ROBO2: variants seen among roughly 807,000 people sequenced by gnomAD.
ROBO2 encodes roundabout homolog 2.
A neutral mutation model predicts 160.8 loss-of-function variants in ROBO2; 53 were observed. The observed-to-expected ratio is 0.33, with a 90% CI of 0.26 to 0.41. The LOEUF (loss-of-function observed/expected upper bound fraction) is 0.41. ROBO2 is among the 10% of genes least tolerant of loss of function. The pLI is 1.00. For missense variants in ROBO2, 1,577 were observed against 1,722.4 expected (o/e 0.92, Z 1.49); for synonymous variants, 664 against 611.7 (o/e 1.09, Z -1.26).
In ROBO2 at chr3:76,622,217, AG is replaced by A. The variant is rs1324629582; in HGVS notation, c.110-475795del. Among the ~76,000 whole-genome samples, 101 of 45,922 alleles carry A rather than the reference AG, an allele frequency of 2.2e-3. 7 individuals carry two copies. The highest frequency in any genetic ancestry group is 9.5e-3 in the African/African-American group (96 of 10,106). The allele number at this position is 45,922 out of a possible 152,430, so 30.1% of individuals were successfully genotyped here. The stretch of plus-strand genomic sequence containing the variant: ...AAGGAAGGAAGGAAGGAAGGAAGGA[AG>A]GAAGGAAGGAAGGAAGGAAGAAAGA... On this transcript the variant is annotated intron_variant, in intron 2 of 26. Transcript: ENST00000487694.
intron 2 of ROBO2, among the ~76,000 whole-genome samples, chr3:76,425,909 A>G (rs975129759): frequency 4.6e-5 from 7 of 152,212 alleles, no homozygotes; most frequent in African/African-American, 1.7e-4. Flanking sequence ...TTAGGCATGT[A>G]TGAGTTTTTA....
chr3:76,030,015 T>C lies in ROBO2; in HGVS notation c.109+92413T>C, dbSNP rs539316284. On this transcript the variant is annotated intron_variant, in intron 2 of 26. Transcript: ENST00000487694. ...AAAGTGTTCCTATTTCTCCACATCC[T>C]CTCCAGCACCTGTTGTTTCCTGACT... Among the ~76,000 whole-genome samples, 3 of 152,296 alleles carry C rather than the reference T, an allele frequency of 2.0e-5. No individual in the cohort carries two copies. In the East Asian group the frequency reaches 5.8e-4, roughly 29 times the overall value.
At chr3:77,438,050 TATA>T (rs1560831853) in intron 2 of ROBO2, among the ~76,000 whole-genome samples, 1 of 152,040 alleles carries the variant, frequency 6.6e-6, no homozygotes, top group Non-Finnish European at 1.5e-5. Flanking sequence ...TTTACTGTCT[TATA>T]ATAATACTTT....
intron 2 of ROBO2, among the ~76,000 whole-genome samples, chr3:76,881,127 A>T (rs2073299493): frequency 6.6e-6 from 1 of 152,182 alleles, no homozygotes; most frequent in South Asian, 2.1e-4. Flanking sequence ...AGACCCAGAA[A>T]ATAGTCACTG....
chr3:76,964,479 A>G (rs1253411818), intron 2 of ROBO2, among the ~76,000 whole-genome samples: 1 of 152,064 alleles, frequency 6.6e-6, no homozygotes, highest in African/African-American at 2.4e-5. Flanking sequence ...AGTAGCTGGG[A>G]TTACAGGCAC....
intron 2 of ROBO2, among the ~76,000 whole-genome samples, chr3:76,278,700 C>T (rs529316601): frequency 3.9e-5 from 6 of 152,022 alleles, no homozygotes; most frequent in East Asian, 1.9e-4. Context: ...GACACATGTA[C>T]GTGTCAGAAA....
chr3:77,146,386 G>A (rs528591396), intron 2 of ROBO2, among the ~76,000 whole-genome samples: 148 of 152,286 alleles, frequency 9.7e-4, no homozygotes, highest in Middle Eastern at 3.4e-3. Context: ...TAACGTGGTA[G>A]TGGGTGATGA....
chr3:76,006,408 C>T (rs1447867367), intron 2 of ROBO2, among the ~76,000 whole-genome samples: 2 of 152,080 alleles, frequency 1.3e-5, no homozygotes, highest in East Asian at 3.9e-4. Flanking sequence ...TCACTTTGAA[C>T]ATGGAAATAA....
intron 21 of ROBO2, among the ~76,000 whole-genome samples, chr3:77,610,502 T>C (rs1271957320): frequency 6.6e-6 from 1 of 151,634 alleles, no homozygotes; most frequent in African/African-American, 2.4e-5. Flanking sequence ...AGGGGAAAGC[T>C]TGTAGAAGTT....
At chr3:77,550,276 C>G (rs1559593783) in intron 7 of ROBO2, among the ~76,000 whole-genome samples, 2 of 152,020 alleles carry the variant, frequency 1.3e-5, no homozygotes, top group Non-Finnish European at 2.9e-5. Flanking sequence ...GCTGCAAAAA[C>G]TTTACAGCAG....
chr3:76,551,496 G>A (rs1343385793), intron 2 of ROBO2, among the ~76,000 whole-genome samples: 2 of 152,066 alleles, frequency 1.3e-5, no homozygotes, highest in African/African-American at 4.8e-5. Context: ...TGGCAGGACT[G>A]AAAAAGCTGT....
intron 2 of ROBO2, among the ~76,000 whole-genome samples, chr3:77,110,009 A>G (rs1024400955): frequency 6.6e-6 from 1 of 152,218 alleles, no homozygotes; most frequent in Admixed American, 6.5e-5. Flanking sequence ...GACGGAAAGA[A>G]ACAACAGAAA....
chr3:76,167,983 C>T (rs1026474348), intron 2 of ROBO2, among the ~76,000 whole-genome samples: 3 of 152,172 alleles, frequency 2.0e-5, no homozygotes, highest in African/African-American at 7.2e-5. Flanking sequence ...GCTGTGGGCC[C>T]TGCTCGTTCA....
chr3:77,392,316 C>T (rs1034230110), intron 2 of ROBO2, among the ~76,000 whole-genome samples: 24 of 152,168 alleles, frequency 1.6e-4, no homozygotes, highest in Non-Finnish European at 3.5e-4. Flanking sequence ...GTTTCTGTCA[C>T]CCTTGACAAA....
chr3:76,186,642 T>C lies in ROBO2; in HGVS notation c.109+249040T>C, dbSNP rs139327258. ...TTTTTTTCCAAATCATCCCCATAAG[T>C]AAAGAAATATCCTCTAGTATATACC... On this transcript the variant is annotated intron_variant, in intron 2 of 26. Transcript: ENST00000487694. Among the ~76,000 whole-genome samples, 1,098 of 148,194 alleles carry C rather than the reference T, an allele frequency of 7.4e-3. 5 individuals carry two copies. Among genetic ancestry groups the C allele is most frequent in the South Asian group, 0.011 (54 of 4,788 alleles).
At chr3:77,590,309 C>T (rs2094149405) in intron 17 of ROBO2, among the ~76,000 whole-genome samples, 2 of 152,150 alleles carry the variant, frequency 1.3e-5, no homozygotes, top group South Asian at 4.1e-4. Context: ...TCTGCTTCCT[C>T]ATAATTTGTC....
At chr3:76,270,134 T>C (rs1707342600) in intron 2 of ROBO2, among the ~76,000 whole-genome samples, 1 of 152,054 alleles carries the variant, frequency 6.6e-6, no homozygotes, top group African/African-American at 2.4e-5. Flanking sequence ...TTAGGTAATT[T>C]CTCAAAGATC....
chr3:77,244,418 A>C (rs2089448226), intron 2 of ROBO2, among the ~76,000 whole-genome samples: 1 of 152,192 alleles, frequency 6.6e-6, no homozygotes, highest in Non-Finnish European at 1.5e-5. Context: ...AAAGATAGGA[A>C]AACGTTTAGC....
intron 1 of ROBO2, among the ~76,000 whole-genome samples, chr3:77,095,272 G>T (rs1412852104): frequency 2.6e-5 from 4 of 152,098 alleles, no homozygotes; most frequent in Admixed American, 6.6e-5. Flanking sequence ...TACATATATT[G>T]TAATGATAAA....
Sources: gnomAD v4.1 joint callset for allele counts (sites outside exome capture counted in the v4.1 genomes callset) on GRCh38, gnomAD v4.1.1 for gene constraint, MANE v1.5 for transcripts, NCBI Gene and HGNC (gene_info 2026-07-23, HGNC 2026-07-21) for gene names.